ACSS3: variants seen among roughly 807,000 people sequenced by gnomAD.
ACSS3 encodes acyl-CoA synthetase short chain family member 3, also known as acyl-CoA synthetase short-chain family member 3, mitochondrial.
A neutral mutation model predicts 84.2 loss-of-function variants in ACSS3; 64 were observed. That is an observed-to-expected ratio of 0.76 (90% CI 0.62 to 0.94). The LOEUF (loss-of-function observed/expected upper bound fraction) is 0.94, where lower values mean the gene tolerates loss of function less well. Ranked by LOEUF, ACSS3 falls within the 40% of genes least tolerant of loss-of-function variation. The probability of loss-of-function intolerance (pLI) is 0.00; values close to 1 mark genes in which losing one functional copy is unlikely to be tolerated. For synonymous variants in ACSS3, 317 were observed against 310.1 expected (o/e 1.02, Z -0.23); for missense variants, 815 against 867.6 (o/e 0.94, Z 0.76).
chr12:81,184,468 A>C (rs939765729), intron 8 of ACSS3, among the ~76,000 whole-genome samples: 2 of 151,862 alleles, frequency 1.3e-5, no homozygotes, highest in Non-Finnish European at 2.9e-5. Context: ...AAGTACAGAA[A>C]AACCATAAAA....
chr12:81,142,429 A>G (rs2135730874), intron 4 of ACSS3, among the ~76,000 whole-genome samples: 1 of 152,320 alleles, frequency 6.6e-6, no homozygotes, highest in East Asian at 1.9e-4. Flanking sequence ...AAAAAAGACT[A>G]TTTAATTTCT....
At position 81,257,924 on chromosome 12, in the gene ACSS3, AAAAG is replaced by A. The variant is rs1282034331; in HGVS notation, c.*3010_*3013del. On this transcript the variant is annotated 3_prime_UTR_variant, in exon 16 of 16. Transcript: ENST00000548058. Reference sequence around the variant, plus strand: ...GATTAATCTTTCTAACTTGATCTTTAAAAGAAAGAAATTGATTTTAGTGATTGAG... The same window carrying A: ...GATTAATCTTTCTAACTTGATCTTTAAAAGAAATTGATTTTAGTGATTGAG... 1 of 152,158 alleles carries A rather than the reference AAAAG, an allele frequency of 6.6e-6. No homozygotes were observed. The highest frequency in any genetic ancestry group is 1.5e-5 in the Non-Finnish European group (1 of 67,998). The allele number at this position is 152,158 out of a possible 1,614,324, so 9.4% of individuals were successfully genotyped here. A position where few individuals can be genotyped will look rare whatever the true frequency, so the allele number is the denominator to read the frequency against.
chr12:81,180,922 A>C (rs896194445), intron 8 of ACSS3, among the ~76,000 whole-genome samples: 3 of 152,212 alleles, frequency 2.0e-5, no homozygotes, highest in African/African-American at 7.2e-5. Flanking sequence ...TCTTTGAATT[A>C]GTTTACTATC....
intron 8 of ACSS3, among the ~76,000 whole-genome samples, chr12:81,190,203 C>G (rs1335001956): frequency 2.7e-5 from 4 of 145,820 alleles, no homozygotes; most frequent in Non-Finnish European, 4.6e-5. Flanking sequence ...AACACAAAAA[C>G]ATAGAGATAG....
At chr12:81,211,534 C>A (rs2032593665) in intron 9 of ACSS3, among the ~76,000 whole-genome samples, 1 of 152,144 alleles carries the variant, frequency 6.6e-6, no homozygotes, top group Non-Finnish European at 1.5e-5. Flanking sequence ...CCCAACTGGG[C>A]CCTAGTTTTT....
chr12:81,158,070 G>A (rs1453833370), intron 7 of ACSS3, among the ~76,000 whole-genome samples: 1 of 151,840 alleles, frequency 6.6e-6, no homozygotes, highest in Non-Finnish European at 1.5e-5. Flanking sequence ...GCCACATATG[G>A]CCATAAAGGG....
intron 1 of ACSS3, among the ~76,000 whole-genome samples, chr12:81,079,822 T>A (rs943908188): frequency 2.0e-5 from 3 of 152,216 alleles, no homozygotes; most frequent in Non-Finnish European, 4.4e-5. Flanking sequence ...TGTGTTTCAC[T>A]TTCCTGAAAT....
intron 7 of ACSS3, among the ~76,000 whole-genome samples, chr12:81,163,985 A>G (rs1887281988): frequency 6.6e-6 from 1 of 152,172 alleles, no homozygotes; most frequent in South Asian, 2.1e-4. Context: ...CTTCTTTAGA[A>G]ATTTAGTGTA....
chr12:81,122,980 C>A (rs903991876), intron 2 of ACSS3, among the ~76,000 whole-genome samples: 4 of 152,044 alleles, frequency 2.6e-5, no homozygotes, highest in African/African-American at 9.7e-5. Context: ...ATCAATGGTA[C>A]TTTTCTGAGT....
At chr12:81,210,984 G>GT (rs2032568068) in intron 9 of ACSS3, among the ~76,000 whole-genome samples, 1 of 151,972 alleles carries the variant, frequency 6.6e-6, no homozygotes, top group Admixed American at 6.6e-5. Context: ...ATTTTCCATT[G>GT]TTGTTGTTTC....
rs748271259 is a variant in ACSS3, at chr12:81,139,236, A to C, written c.751A>C (p.Lys251Gln). The C allele has an allele frequency of 8.1e-6, 13 of 1,614,036 alleles. No individual in the cohort carries two copies. The highest frequency in any genetic ancestry group is 1.7e-4 in the Middle Eastern group (1 of 6,058). ...ALKIGQHKPDKILIYNRPNME... is the reference protein window; with the variant it reads ...ALKIGQHKPDQILIYNRPNME... ...AAAAATAGGACAACACAAACCAGAC[A>C]AAATTCTCATTTATAATCGTCCAAA... The change falls in exon 4 of 16, where the codon AAA (lysine) becomes CAA (glutamine). Residue 251 changes from lysine (K) to glutamine (Q), a missense_variant. Transcript: ENST00000548058.
Position 81,175,453 on chromosome 12 carries a change from G to A in ACSS3, c.1250+514G>A, listed in dbSNP as rs569055702. Among the ~76,000 whole-genome samples the A allele has an allele frequency of 3.9e-5, 6 of 152,296 alleles. No homozygotes were observed. In the East Asian group the frequency reaches 1.2e-3, roughly 29 times the overall value. On this transcript the variant is annotated intron_variant, in intron 8 of 15. Coordinates refer to ENST00000548058, the MANE Select transcript of ACSS3 (RefSeq NM_024560.4). ...AGGACCACACTGACAGTATTCAATAGATGATTGAGGCAGAAAACTAACAAA... is the reference window on the plus strand; with the variant it reads ...AGGACCACACTGACAGTATTCAATAAATGATTGAGGCAGAAAACTAACAAA...
intron 4 of ACSS3, among the ~76,000 whole-genome samples, chr12:81,141,919 C>T (rs1010143690): frequency 6.6e-6 from 1 of 152,074 alleles, no homozygotes; most frequent in Non-Finnish European, 1.5e-5. Context: ...ACAGGGTCTT[C>T]GATTCAGCTA....
rs572083176 is a variant in ACSS3 at position 81,239,234 on chromosome 12, T to G, written c.1719+5763T>G. On this transcript the variant is annotated intron_variant, in intron 13 of 15. Coordinates refer to ENST00000548058, the MANE Select transcript of ACSS3 (RefSeq NM_024560.4). The stretch of plus-strand genomic sequence containing the variant: ...CAGAACAGATGTTGTATGATTTATA[T>G]TCTTTTTAAAATTTTAAGGTGTGTT... 5.9e-5 allele frequency among the ~76,000 whole-genome samples: 9 copies of G among 152,090 alleles called. No homozygotes were observed. The South Asian group carries it at 1.9e-3, about 31-fold the overall frequency.
At chr12:81,149,910 T>C (rs915742855) in intron 5 of ACSS3, among the ~76,000 whole-genome samples, 6 of 152,206 alleles carry the variant, frequency 3.9e-5, no homozygotes, top group Non-Finnish European at 7.4e-5. Flanking sequence ...TTCACGCATG[T>C]TCTCATTTTT....
At chr12:81,241,794 C>T (rs1311759966) in intron 13 of ACSS3, among the ~76,000 whole-genome samples, 1 of 152,064 alleles carries the variant, frequency 6.6e-6, no homozygotes, top group African/African-American at 2.4e-5. Context: ...GTTGCCTGTT[C>T]ACTCTGATGG....
Position 81,247,085 on chromosome 12 carries a change from T to C in ACSS3, c.1720-6222T>C, listed in dbSNP as rs12311789. ...CTTTATATTTTAGAACATTTCACCTTTGTGTGCTATTATAATATTATCTTG... is the reference window on the plus strand; with the variant it reads ...CTTTATATTTTAGAACATTTCACCTCTGTGTGCTATTATAATATTATCTTG... On this transcript the variant is annotated intron_variant, in intron 13 of 15. Transcript: ENST00000548058. Among the ~76,000 whole-genome samples the C allele has an allele frequency of 2.3e-3, 347 of 152,186 alleles. 3 individuals are homozygous for C. The highest frequency in any genetic ancestry group is 7.8e-3 in the African/African-American group (325 of 41,546).
At chr12:81,096,375 C>G (rs1882045893) in intron 1 of ACSS3, among the ~76,000 whole-genome samples, 1 of 151,980 alleles carries the variant, frequency 6.6e-6, no homozygotes, top group Non-Finnish European at 1.5e-5. Flanking sequence ...GCATGTGGTC[C>G]CTGCCTACAG....
chr12:81,145,428 C>A (rs559415132), intron 5 of ACSS3, among the ~76,000 whole-genome samples: 2 of 152,098 alleles, frequency 1.3e-5, no homozygotes, highest in Non-Finnish European at 2.9e-5. Context: ...TCAACAGATA[C>A]AACTATGAGT....
Sources: allele counts gnomAD v4.1 joint callset (sites outside exome capture counted in the v4.1 genomes callset), GRCh38; gene constraint gnomAD v4.1.1; transcripts MANE v1.5; gene names NCBI Gene and HGNC (gene_info 2026-07-23, HGNC 2026-07-21).